Variants in AFF4 observed in about 807,000 individuals in gnomAD.
AFF4 encodes AF4/FMR2 family member 4.
A neutral mutation model predicts 124.8 loss-of-function variants in AFF4; 13 were observed. The ratio of observed to expected loss-of-function variants is 0.10; its 90% CI spans 0.07 to 0.17. AFF4 has a LOEUF of 0.17. Ranked by LOEUF, AFF4 falls within the 10% of genes least tolerant of loss-of-function variation. AFF4 has a pLI of 1.00. For missense variants in AFF4, 1,092 were observed against 1,403.8 expected (o/e 0.78, Z 3.55); for synonymous variants, 477 against 496.1 (o/e 0.96, Z 0.51).
At position 132,933,430 on chromosome 5, in the gene AFF4, C is replaced by T. The variant is rs541152562; in HGVS notation, c.918+717G>A. ...AAAAAAGAGAGAGATAAAATTTGGGCCAGGCATGATGGTCATGTCTGTAAC... is the reference window on the plus strand; with the variant it reads ...AAAAAAGAGAGAGATAAAATTTGGGTCAGGCATGATGGTCATGTCTGTAAC... On this transcript the variant is annotated intron_variant, in intron 3 of 20. Transcript: ENST00000265343. Among the ~76,000 whole-genome samples the T allele has an allele frequency of 4.0e-5, 6 of 151,750 alleles. No individual in the cohort carries two copies. The East Asian group carries it at 9.7e-4, about 24-fold the overall frequency.
chr5:132,917,705 C>CTTTTT (rs58145774), intron 5 of AFF4, among the ~76,000 whole-genome samples: 88 of 74,028 alleles, frequency 1.2e-3, no homozygotes, highest in Non-Finnish European at 1.9e-3. Context: ...CTTTTCTTTT[C>CTTTTT]TTTTTTTTTT....
chr5:132,923,692 T>G (rs540992039), intron 5 of AFF4, among the ~76,000 whole-genome samples: 6 of 152,128 alleles, frequency 3.9e-5, no homozygotes, highest in Non-Finnish European at 5.9e-5. Context: ...ACCACTGTAC[T>G]CCAGCCTAGG....
chr5:132,908,763 T>C (rs1297422916), intron 5 of AFF4, among the ~76,000 whole-genome samples: 3 of 101,598 alleles, frequency 3.0e-5, no homozygotes, highest in Non-Finnish European at 5.9e-5. Context: ...TATACATATA[T>C]ATATATATAT....
intron 5 of AFF4, among the ~76,000 whole-genome samples, chr5:132,920,854 G>A (rs773267870): frequency 1.3e-5 from 2 of 151,994 alleles, no homozygotes; most frequent in African/African-American, 2.4e-5. Flanking sequence ...CAGGCCGGGC[G>A]CAGTGGCTCA....
chr5:132,960,596 T>C (rs1048717091), intron 1 of AFF4, among the ~76,000 whole-genome samples: 1 of 152,220 alleles, frequency 6.6e-6, no homozygotes, highest in Admixed American at 6.5e-5. Flanking sequence ...GAAAGCTTCA[T>C]CTTCTGTCTC....
intron 5 of AFF4, among the ~76,000 whole-genome samples, chr5:132,916,205 C>G (rs532870828): frequency 1.5e-5 from 2 of 129,858 alleles, no homozygotes; most frequent in Admixed American, 9.1e-5. Context: ...TGCCACTGCA[C>G]TCTAGCCTGG....
At chr5:132,902,386 AC>A (rs1416957221) in intron 7 of AFF4, 55 bp downstream of exon 7, 17 of 1,367,560 alleles carry the variant, frequency 1.2e-5, no homozygotes, top group Non-Finnish European at 1.7e-5. Flanking sequence ...CCTAGATATT[AC>A]AGGTAACTTT....
chr5:132,943,689 G>C (rs1229896929), intron 1 of AFF4: 3 of 249,050 alleles, frequency 1.2e-5, no homozygotes, highest in African/African-American at 2.3e-5. Flanking sequence ...TCAACATCAA[G>C]AACGTATCTG....
At chr5:132,911,017 T>C (rs1760781821) in intron 5 of AFF4, among the ~76,000 whole-genome samples, 1 of 152,188 alleles carries the variant, frequency 6.6e-6, no homozygotes, top group African/African-American at 2.4e-5. Context: ...GCCAATGAAG[T>C]AGTGGTGTTC....
At chr5:132,892,098 T>A (rs1318307864) in intron 13 of AFF4, 66 bp downstream of exon 13, 2 of 1,611,338 alleles carry the variant, frequency 1.2e-6, no homozygotes, top group Admixed American at 3.3e-5. Context: ...AAGCACAGTG[T>A]CACCCTGGAA....
intron 1 of AFF4, among the ~76,000 whole-genome samples, chr5:132,954,748 C>T (rs1370967587): frequency 1.3e-5 from 2 of 151,782 alleles, no homozygotes; most frequent in Admixed American, 1.3e-4. Flanking sequence ...GGGGTTTCAC[C>T]GTTTTAGCCA....
intron 13 of AFF4, chr5:132,891,726 T>C (rs536520291): frequency 1.0e-5 from 2 of 196,006 alleles, no homozygotes; most frequent in African/African-American, 4.6e-5. Flanking sequence ...AACAACTCAA[T>C]CTTAGCAACT....
intron 1 of AFF4, among the ~76,000 whole-genome samples, chr5:132,961,732 A>G (rs1038516508): frequency 6.6e-6 from 1 of 152,036 alleles, no homozygotes; most frequent in African/African-American, 2.4e-5. Context: ...TTTTTCAGAC[A>G]CCCCATCTTG....
At chr5:132,925,121 G>GCCAAGAT (rs1761138864) in intron 5 of AFF4, among the ~76,000 whole-genome samples, 1 of 152,006 alleles carries the variant, frequency 6.6e-6, no homozygotes, top group Non-Finnish European at 1.5e-5. Flanking sequence ...GTTGCAGTGA[G>GCCAAGAT]CCAAGATCAC....
intron 5 of AFF4, among the ~76,000 whole-genome samples, chr5:132,912,766 G>A (rs1350630318): frequency 6.6e-6 from 1 of 152,022 alleles, no homozygotes; most frequent in African/African-American, 2.4e-5. Flanking sequence ...TCTACGACGG[G>A]AGAAATGCAA....
intron 5 of AFF4, among the ~76,000 whole-genome samples, chr5:132,912,799 T>C (rs917832497): frequency 4.6e-5 from 7 of 151,974 alleles, no homozygotes; most frequent in Non-Finnish European, 7.4e-5. Flanking sequence ...TAGGGTCTTA[T>C]ACAGCAGAAA....
intron 5 of AFF4, among the ~76,000 whole-genome samples, chr5:132,909,620 T>C (rs895927484): frequency 6.6e-6 from 1 of 152,218 alleles, no homozygotes; most frequent in Non-Finnish European, 1.5e-5. Context: ...GGATAACTGA[T>C]ATCATGAAAC....
intron 1 of AFF4, among the ~76,000 whole-genome samples, chr5:132,959,462 G>A (rs1368798599): frequency 6.7e-6 from 1 of 150,174 alleles, no homozygotes; most frequent in Non-Finnish European, 1.5e-5. Flanking sequence ...GATAAAGCAG[G>A]TAGCTAAGAT....
chr5:132,892,985 A>G, intron 12 of AFF4, 45 bp downstream of exon 12: 1 of 1,552,248 alleles, frequency 6.4e-7, no homozygotes. Context: ...CAAATGATAT[A>G]CATATATTAA....
Sources: gnomAD v4.1 joint callset for allele counts (sites outside exome capture counted in the v4.1 genomes callset) on GRCh38, gnomAD v4.1.1 for gene constraint, MANE v1.5 for transcripts, NCBI Gene and HGNC (gene_info 2026-07-23, HGNC 2026-07-21) for gene names.